CDC25A: variants seen among roughly 807,000 people sequenced by gnomAD.
CDC25A encodes cell division cycle 25A, also known as M-phase inducer phosphatase 1.
CDC25A carries 17 observed loss-of-function variants against 64.6 expected under a neutral mutation model. The observed-to-expected ratio is 0.26, with a 90% CI of 0.18 to 0.39. The LOEUF (loss-of-function observed/expected upper bound fraction) is 0.39, where lower values mean the gene tolerates loss of function less well. Ranked by LOEUF, CDC25A falls within the 10% of genes least tolerant of loss-of-function variation. CDC25A has a pLI of 1.00. For missense variants in CDC25A, 473 were observed against 654.8 expected (o/e 0.72, Z 3.03); for synonymous variants, 229 against 238.6 (o/e 0.96, Z 0.37).
chr3:48,178,133 A>C, intron 6 of CDC25A, 145 bp from the exon 7 acceptor site: 1 of 690,470 alleles, frequency 1.4e-6, no homozygotes, highest in Non-Finnish European at 2.4e-6. Context: ...ATTATATGAA[A>C]ATGTATCCCA....
chr3:48,174,615 G>A, intron 8 of CDC25A, 158 bp from the exon 9 acceptor site: 1 of 642,090 alleles, frequency 1.6e-6, no homozygotes, highest in East Asian at 2.8e-5. Flanking sequence ...ACTCTCACAG[G>A]GCCTGGCACA....
At chr3:48,163,395 G>A (rs902936551) in intron 13 of CDC25A, among the ~76,000 whole-genome samples, 9 of 151,576 alleles carry the variant, frequency 5.9e-5, no homozygotes, top group Non-Finnish European at 1.0e-4. Flanking sequence ...ACCTAAGGTC[G>A]GGAGTTCAAG....
chr3:48,162,206 CAAAT>C (rs887499594), intron 13 of CDC25A, among the ~76,000 whole-genome samples: 4 of 151,778 alleles, frequency 2.6e-5, no homozygotes, highest in Non-Finnish European at 4.4e-5. Context: ...CATGTACATA[CAAAT>C]GTGACAAAAT....
At chr3:48,181,093 A>G (rs2032652129) in intron 5 of CDC25A, among the ~76,000 whole-genome samples, 1 of 152,246 alleles carries the variant, frequency 6.6e-6, no homozygotes, top group Non-Finnish European at 1.5e-5. Flanking sequence ...AAACACGATG[A>G]ATAAGCTAAA....
rs776286095 is a variant in CDC25A at position 48,184,713 on chromosome 3, A to G, written c.248-18T>C. The G allele has an allele frequency of 6.4e-7, 1 of 1,564,690 alleles. No homozygotes were observed. The highest frequency in any genetic ancestry group is 8.7e-7 in the Non-Finnish European group (1 of 1,155,570). Reference sequence around the variant, plus strand: ...ACAGAAACCTATGGGGAAAAAAAAAACCTCTCAAGAAATAATACAAAAAAC... The same window carrying G: ...ACAGAAACCTATGGGGAAAAAAAAAGCCTCTCAAGAAATAATACAAAAAAC... On this transcript the variant is annotated intron_variant, in intron 2 of 14. Transcript: ENST00000302506.
intron 13 of CDC25A, 70 bp from the exon 14 acceptor site, chr3:48,159,525 G>T: frequency 9.7e-7 from 1 of 1,027,916 alleles, no homozygotes; most frequent in Non-Finnish European, 1.5e-6. Flanking sequence ...CGCAGTCAAA[G>T]CAGCAGTTGT....
intron 4 of CDC25A, among the ~76,000 whole-genome samples, chr3:48,183,233 G>A (rs1437211370): frequency 1.3e-5 from 2 of 152,094 alleles, no homozygotes. Flanking sequence ...CCATTCCATG[G>A]GTTTACAGCT....
intron 4 of CDC25A, among the ~76,000 whole-genome samples, chr3:48,183,249 C>T (rs1184064671): frequency 6.6e-6 from 1 of 152,198 alleles, no homozygotes; most frequent in Non-Finnish European, 1.5e-5. Flanking sequence ...CAGCTAACCT[C>T]ACAAGGTCTA....
chr3:48,174,245 G>A (rs2032372582), intron 9 of CDC25A, 39 bp downstream of exon 9: 1 of 1,540,284 alleles, frequency 6.5e-7, no homozygotes, highest in Non-Finnish European at 8.8e-7. Flanking sequence ...GAAAAATACA[G>A]TATCTGTGCT....
At chr3:48,160,029 G>A (rs1286210814) in intron 13 of CDC25A, among the ~76,000 whole-genome samples, 1 of 152,050 alleles carries the variant, frequency 6.6e-6, no homozygotes, top group Non-Finnish European at 1.5e-5. Flanking sequence ...TCTGCCCCTT[G>A]TTCACCCCAC....
Position 48,177,888 on chromosome 3 carries a change from C to G in CDC25A, c.650G>C (p.Gly217Ala), listed in dbSNP as rs1437849797. ...CTCTCCATCGAGAAGGTCCACGAAG[C>G]CATCATCCTCATCAGACAAAGTGGC... ...VTATLSDEDD[G>A]FVDLLDGENL... is the part of the protein sequence containing the mutation. The change falls in exon 7 of 15, where the codon GGC becomes GCC. Residue 217 changes from glycine to alanine, a missense_variant. Coordinates refer to ENST00000302506, the MANE Select transcript of CDC25A (RefSeq NM_001789.3). 1 of 1,614,034 alleles carries G rather than the reference C, an allele frequency of 6.2e-7. No individual in the cohort carries two copies. The highest frequency in any genetic ancestry group is 1.1e-5 in the South Asian group (1 of 91,068).
At chr3:48,164,681 T>C (rs2031927421) in intron 12 of CDC25A, among the ~76,000 whole-genome samples, 1 of 152,160 alleles carries the variant, frequency 6.6e-6, no homozygotes, top group Non-Finnish European at 1.5e-5. Flanking sequence ...GCAATTCAAA[T>C]ATGACAATGG....
intron 7 of CDC25A, 92 bp from the exon 8 acceptor site, chr3:48,177,534 A>T (rs1043963716): frequency 1.1e-6 from 1 of 944,918 alleles, no homozygotes; most frequent in Non-Finnish European, 1.7e-6. Context: ...GAACAATACC[A>T]GATAGGCCTG....
chr3:48,158,704 T>C lies in CDC25A; in HGVS notation c.*241A>G. The C allele has an allele frequency of 2.1e-6, 1 of 466,364 alleles. No individual in the cohort carries two copies. Among genetic ancestry groups the C allele is most frequent in the South Asian group, 3.2e-5 (1 of 31,348 alleles). 28.9% of individuals were successfully genotyped at this position (466,364 alleles called of 1,614,324 possible). On this transcript the variant is annotated 3_prime_UTR_variant, in exon 15 of 15. Transcript: ENST00000302506. The stretch of plus-strand genomic sequence containing the variant: ...AGCAGCTTGACACGGTGCTCAGAAC[T>C]GCATTGTGGCACAGTTCTGATATGG...
rs920356688 is a variant in CDC25A at position 48,164,455 on chromosome 3, A to T, written c.1192-18T>A. On this transcript the variant is annotated intron_variant, in intron 12 of 14. Coordinates refer to ENST00000302506, the MANE Select transcript of CDC25A (RefSeq NM_001789.3). ...ACTGCACCCTGTGAAGACAACAGAGACCCTTGGAACCTGCACGTTTCACAC... is the reference window on the plus strand; with the variant it reads ...ACTGCACCCTGTGAAGACAACAGAGTCCCTTGGAACCTGCACGTTTCACAC... 1.3e-6 allele frequency: 2 copies of T among 1,507,336 alleles called. No homozygotes were observed. Among genetic ancestry groups the T allele is most frequent in the Admixed American group, 2.5e-5 (1 of 39,978 alleles). 93.4% of individuals were successfully genotyped at this position (1,507,336 alleles called of 1,614,324 possible).
intron 9 of CDC25A, among the ~76,000 whole-genome samples, chr3:48,170,047 C>T (rs997795854): frequency 2.0e-5 from 3 of 151,796 alleles, no homozygotes; most frequent in African/African-American, 7.3e-5. Context: ...AGAAATTTAG[C>T]CCTGTATGAT....
chr3:48,186,841 G>A (rs1161107408), intron 1 of CDC25A, 62 bp from the exon 2 acceptor site: 7 of 1,098,978 alleles, frequency 6.4e-6, no homozygotes, highest in Non-Finnish European at 9.5e-6. Context: ...GTCACATGCA[G>A]GAGATAGGCC....
intron 1 of CDC25A, 42 bp from the exon 2 acceptor site, chr3:48,186,821 T>A: frequency 7.5e-7 from 1 of 1,339,622 alleles, no homozygotes; most frequent in Non-Finnish European, 1.1e-6. Context: ...TTATAGGATA[T>A]AATTAAAAGG....
rs1470275347 is a variant in CDC25A, at chr3:48,157,279, G to A, written c.*1666C>T. On this transcript the variant is annotated 3_prime_UTR_variant, in exon 15 of 15. Transcript: ENST00000302506. Reference sequence around the variant, plus strand: ...GCCATCCCACCTTTCTCTTTAGGCAGTCAACCAACAGAATCTCTTTCTTAC... The same window carrying A: ...GCCATCCCACCTTTCTCTTTAGGCAATCAACCAACAGAATCTCTTTCTTAC... 1 of 152,232 alleles carries A rather than the reference G, an allele frequency of 6.6e-6. No homozygotes were observed. The highest frequency in any genetic ancestry group is 2.4e-5 in the African/African-American group (1 of 41,446). 9.4% of individuals were successfully genotyped at this position (152,232 alleles called of 1,614,324 possible).
Sources: allele counts gnomAD v4.1 joint callset (sites outside exome capture counted in the v4.1 genomes callset), GRCh38; gene constraint gnomAD v4.1.1; transcripts MANE v1.5; gene names NCBI Gene and HGNC (gene_info 2026-07-23, HGNC 2026-07-21).